HYPK: variants seen among roughly 807,000 people sequenced by gnomAD.
The protein encoded by HYPK is huntingtin-interacting protein K.
In HYPK, 9 loss-of-function variants were observed where a neutral mutation model predicts 13.9. The ratio of observed to expected loss-of-function variants is 0.65; its 90% confidence interval spans 0.39 to 1.13. The LOEUF is 1.13. HYPK is among the 50% of genes most tolerant of loss of function. HYPK has a pLI of 0.01. For missense variants in HYPK, 138 were observed against 157.6 expected, an observed-to-expected ratio of 0.88 and a Z score of 0.67; for synonymous variants, 76 against 57.0, an observed-to-expected ratio of 1.33 and a Z score of -1.50.
At position 43,800,654 on chromosome 15, in the gene HYPK, T is replaced by TG. The variant is rs1473194029; in HGVS notation, c.34dup (p.Glu12GlyfsTer3). 6.2e-7 allele frequency: 1 copy of TG among 1,613,978 alleles called. No homozygotes were observed. Among genetic ancestry groups the TG allele is most frequent in the Non-Finnish European group, 8.5e-7 (1 of 1,180,026 alleles). ...ACCGAGGGGGATGTGGAGCTGGAGT[T>TG]GGAGACTGAGACCAGTGGACCAGAG... On this transcript the variant is annotated frameshift_variant, in exon 1 of 4. Coordinates refer to ENST00000442995, the MANE Select transcript of HYPK (RefSeq NM_016400.4). LOFTEE classifies it high-confidence loss of function.
In HYPK at chr15:43,803,495, A is replaced by C. The variant is rs1464895898; in HGVS notation, c.*1689A>C. ...CCTAGAGAGAAGGTAATTTTACTTT[A>C]AAGGTTAATCAGGGCCGGGCGTGGT... On this transcript the variant is annotated 3_prime_UTR_variant, in exon 4 of 4. Coordinates refer to ENST00000442995, the MANE Select transcript of HYPK (RefSeq NM_016400.4). Among the ~76,000 whole-genome samples, 1 of 152,158 alleles carries C rather than the reference A, an allele frequency of 6.6e-6. No individual in the cohort carries two copies. Among genetic ancestry groups the C allele is most frequent in the East Asian group, 1.9e-4 (1 of 5,190 alleles).
upstream of HYPK, chr15:43,800,507 G>T (rs1327269082): frequency 2.2e-6 from 3 of 1,350,722 alleles, no homozygotes; most frequent in African/African-American, 1.4e-5. Context: ...TCTAGAACTG[G>T]AGCAGAAAGA....
Position 43,800,715 on chromosome 15 carries a change from T to G in HYPK, c.93T>G (p.Gly31=), listed in dbSNP as rs776988497. The change falls in exon 1 of 4, where the codon GGT becomes GGG. Residue 31 remains glycine, a synonymous_variant. Transcript: ENST00000442995. ...AGAAGCCACGGAAACATGACAGCGG[T>G]GCGGCGGACTTGGAGCGGGTCACCG... ...PPEKPRKHDS[G]AADLERVTDY... 1.2e-6 allele frequency: 2 copies of G among 1,613,722 alleles called. No individual in the cohort carries two copies. The highest frequency in any genetic ancestry group is 2.2e-5 in the South Asian group (2 of 90,992).
At chr15:43,800,911 C>T (rs1012799542) in intron 1 of HYPK, 127 bp downstream of exon 1, 3 of 1,019,856 alleles carry the variant, frequency 2.9e-6, no homozygotes, top group Admixed American at 2.6e-5. Flanking sequence ...TAGGGTAGAG[C>T]CGAGGGAAAC....
upstream of HYPK, chr15:43,800,453 C>G: frequency 1.1e-6 from 1 of 905,328 alleles, no homozygotes; most frequent in South Asian, 1.4e-5. Flanking sequence ...CTGTACAAAC[C>G]CGAAAGGAAG....
rs1207563339 is a variant in HYPK, at chr15:43,800,603, G to T, written c.-20G>T. ...AGTCGGCGTGAGGTGGGGCTTATGC[G>T]GCGGCGTGGTGAAATAGATATGGCG... On this transcript the variant is annotated 5_prime_UTR_variant, in exon 1 of 4. Coordinates refer to ENST00000442995, the MANE Select transcript of HYPK (RefSeq NM_016400.4). 2 of 1,613,894 alleles carry T rather than the reference G, an allele frequency of 1.2e-6. No individual in the cohort carries two copies. Among genetic ancestry groups the T allele is most frequent in the East Asian group, 2.2e-5 (1 of 44,882 alleles).
rs145691176 is a variant in HYPK, at chr15:43,802,056, A to G, written c.*250A>G. The stretch of plus-strand genomic sequence containing the variant: ...GCAGGCCAGTCTCATTCATCTGACT[A>G]GCTCTCAACAGTATTCAAGGTACAT... On this transcript the variant is annotated 3_prime_UTR_variant, in exon 4 of 4. Coordinates refer to ENST00000442995, the MANE Select transcript of HYPK (RefSeq NM_016400.4). 758 of 505,820 alleles carry G rather than the reference A, an allele frequency of 1.5e-3. 3 individuals carry two copies. Among genetic ancestry groups the G allele is most frequent in the Admixed American group, 2.3e-3 (70 of 30,612 alleles). The allele number at this position is 505,820 out of a possible 1,614,324, so 31.3% of individuals were successfully genotyped here.
chr15:43,802,027 G>A lies in HYPK; in HGVS notation c.*221G>A, dbSNP rs191328089. ...AAGAATACCTCATGTGCAGATGCTA[G>A]GTGGCAGGCCAGTCTCATTCATCTG... On this transcript the variant is annotated 3_prime_UTR_variant, in exon 4 of 4. Coordinates refer to ENST00000442995, the MANE Select transcript of HYPK (RefSeq NM_016400.4). 5.8e-5 allele frequency: 32 copies of A among 555,918 alleles called. No homozygotes were observed. Among genetic ancestry groups the A allele is most frequent in the East Asian group, 4.9e-4 (16 of 32,608 alleles). The allele number at this position is 555,918 out of a possible 1,614,324, so 34.4% of individuals were successfully genotyped here. A position where few individuals can be genotyped will look rare whatever the true frequency, so the allele number is the denominator to read the frequency against.
At chr15:43,800,592 G>A, upstream of HYPK, 2 of 1,613,672 alleles carry the variant, frequency 1.2e-6, no homozygotes, top group South Asian at 2.2e-5. Flanking sequence ...GGCGTGAGGT[G>A]GGGCTTATGC....
chr15:43,801,694 A>T lies in HYPK; in HGVS notation c.271-17A>T. On this transcript the variant is annotated splice_polypyrimidine_tract_variant and intron_variant, in intron 3 of 3. Coordinates refer to ENST00000442995, the MANE Select transcript of HYPK (RefSeq NM_016400.4). Reference sequence around the variant, plus strand: ...ATTAATGCCTGGGAACCTATGTAACATGATTTTTTTCTGCAGATGACTGAG... The same window carrying T: ...ATTAATGCCTGGGAACCTATGTAACTTGATTTTTTTCTGCAGATGACTGAG... 6.2e-7 allele frequency: 1 copy of T among 1,614,038 alleles called. No individual in the cohort carries two copies. The highest frequency in any genetic ancestry group is 8.5e-7 in the Non-Finnish European group (1 of 1,179,888).
Position 43,801,581 on chromosome 15 carries a change from T to C in HYPK, c.270+12T>C. The C allele has an allele frequency of 1.2e-6, 2 of 1,613,006 alleles. No homozygotes were observed. The highest frequency in any genetic ancestry group is 8.5e-7 in the Non-Finnish European group (1 of 1,178,938). On this transcript the variant is annotated intron_variant, in intron 3 of 3. Transcript: ENST00000442995. Reference sequence around the variant, plus strand: ...ATCTGGAGCTAATAGTGAGTGGTAGTGCCTAACTAGTGTATGCGGAGGGGA... The same window carrying C: ...ATCTGGAGCTAATAGTGAGTGGTAGCGCCTAACTAGTGTATGCGGAGGGGA...
rs1180629414 is a variant in HYPK at position 43,802,188 on chromosome 15, T to G, written c.*382T>G. 1 of 181,898 alleles carries G rather than the reference T, an allele frequency of 5.5e-6. No individual in the cohort carries two copies. Among genetic ancestry groups the G allele is most frequent in the Non-Finnish European group, 1.2e-5 (1 of 84,628 alleles). The allele number at this position is 181,898 out of a possible 1,614,324, so 11.3% of individuals were successfully genotyped here. On this transcript the variant is annotated 3_prime_UTR_variant, in exon 4 of 4. Coordinates refer to ENST00000442995, the MANE Select transcript of HYPK (RefSeq NM_016400.4). ...GCCTAGGAGCCACTATATATATAGATAGATGTAGGTTATGAACCCAGTTCA... is the reference window on the plus strand; with the variant it reads ...GCCTAGGAGCCACTATATATATAGAGAGATGTAGGTTATGAACCCAGTTCA...
In HYPK at chr15:43,802,720, A is replaced by C. The variant is rs1305367707; in HGVS notation, c.*914A>C. 6.6e-6 allele frequency: 1 copy of C among 151,804 alleles called. No homozygotes were observed. The highest frequency in any genetic ancestry group is 2.0e-4 in the East Asian group (1 of 4,986). 9.4% of individuals were successfully genotyped at this position (151,804 alleles called of 1,614,324 possible). On this transcript the variant is annotated 3_prime_UTR_variant, in exon 4 of 4. Transcript: ENST00000442995. ...AACCCTGTCTCTACTAAAAATACAA[A>C]AAAAATAAAATTAGCCAGGCGTGGT...
In HYPK at chr15:43,800,609, G is replaced by T. The variant is rs1245485937; in HGVS notation, c.-14G>T. On this transcript the variant is annotated 5_prime_UTR_variant, in exon 1 of 4. Transcript: ENST00000442995. The stretch of plus-strand genomic sequence containing the variant: ...CGTGAGGTGGGGCTTATGCGGCGGC[G>T]TGGTGAAATAGATATGGCGACCGAG... 6.2e-7 allele frequency: 1 copy of T among 1,614,078 alleles called. No homozygotes were observed. The highest frequency in any genetic ancestry group is 8.5e-7 in the Non-Finnish European group (1 of 1,179,990).
In HYPK at chr15:43,800,611, G is replaced by A. The variant is rs1416024950; in HGVS notation, c.-12G>A. 1 of 1,614,042 alleles carries A rather than the reference G, an allele frequency of 6.2e-7. No individual in the cohort carries two copies. Among genetic ancestry groups the A allele is most frequent in the South Asian group, 1.1e-5 (1 of 91,056 alleles). ...TGAGGTGGGGCTTATGCGGCGGCGTGGTGAAATAGATATGGCGACCGAGGG... is the reference window on the plus strand; with the variant it reads ...TGAGGTGGGGCTTATGCGGCGGCGTAGTGAAATAGATATGGCGACCGAGGG... On this transcript the variant is annotated 5_prime_UTR_variant, in exon 1 of 4. Transcript: ENST00000442995.
upstream of HYPK, chr15:43,800,560 G>A: frequency 6.2e-7 from 1 of 1,608,504 alleles, no homozygotes; most frequent in South Asian, 1.1e-5. Context: ...CCGGGCGGAA[G>A]CTGTGTCAGT....
chr15:43,800,802 C>T lies in HYPK; in HGVS notation c.162+18C>T, dbSNP rs1296251561. On this transcript the variant is annotated intron_variant, in intron 1 of 3. Transcript: ENST00000442995. ...TGGAGACGGTAAGGTTGGCCAAGAG[C>T]ATGTCGGGGCGGGCTGAGAGCAGAG... 7 of 1,591,660 alleles carry T rather than the reference C, an allele frequency of 4.4e-6. No homozygotes were observed. The African/African-American group carries it at 8.1e-5, about 18-fold the overall frequency.
In HYPK at chr15:43,800,721, G is replaced by A. The variant is rs762095130; in HGVS notation, c.99G>A (p.Ala33=). 2.2e-5 allele frequency: 35 copies of A among 1,613,832 alleles called. No homozygotes were observed. Among genetic ancestry groups the A allele is most frequent in the Admixed American group, 6.7e-5 (4 of 59,950 alleles). ...CACGGAAACATGACAGCGGTGCGGC[G>A]GACTTGGAGCGGGTCACCGACTATG... ...EKPRKHDSGA[A]DLERVTDYAE... is the part of the protein sequence containing the mutation. Residue 33 remains alanine, a synonymous_variant, in exon 1 of 4, where the codon GCG becomes GCA. Coordinates refer to ENST00000442995, the MANE Select transcript of HYPK (RefSeq NM_016400.4).
At chr15:43,800,900 AT>A in intron 1 of HYPK, 116 bp downstream of exon 1, 1 of 1,093,688 alleles carries the variant, frequency 9.1e-7, no homozygotes, top group Non-Finnish European at 1.3e-6. Context: ...GGAGGAGGCA[AT>A]AGGGTAGAGC....
Sources: allele counts gnomAD v4.1 joint callset (sites outside exome capture counted in the v4.1 genomes callset), GRCh38; gene constraint gnomAD v4.1.1; transcripts MANE v1.5; gene names NCBI Gene and HGNC (gene_info 2026-07-23, HGNC 2026-07-21).